Variants in CNTNAP2 observed in about 807,000 individuals in gnomAD.
The protein encoded by CNTNAP2 is contactin-associated protein-like 2.
CNTNAP2 carries 98 observed loss-of-function variants against 155.2 expected under a neutral mutation model. The ratio of observed to expected loss-of-function variants is 0.63; its 90% CI spans 0.54 to 0.75. The LOEUF (loss-of-function observed/expected upper bound fraction) is 0.75, where lower values mean the gene tolerates loss of function less well. Ranked by LOEUF, CNTNAP2 falls within the 30% of genes least tolerant of loss-of-function variation. The pLI, the probability that CNTNAP2 is intolerant of heterozygous loss-of-function variation, is 0.00. For synonymous variants in CNTNAP2, 651 were observed against 631.2 expected, an observed-to-expected ratio of 1.03 and a Z score of -0.47; for missense variants, 1,727 against 1,688.1, an observed-to-expected ratio of 1.02 and a Z score of -0.40.
At chr7:146,320,413 G>A (rs116376770) in intron 1 of CNTNAP2, among the ~76,000 whole-genome samples, 4,005 of 152,160 alleles carry the variant, frequency 0.026, 169 homozygotes, top group African/African-American at 0.092. Flanking sequence ...AACAAGTTAC[G>A]TAAATTCATT....
At chr7:146,414,491 A>G (rs1795909415) in intron 1 of CNTNAP2, among the ~76,000 whole-genome samples, 1 of 152,138 alleles carries the variant, frequency 6.6e-6, no homozygotes, top group Admixed American at 6.6e-5. Context: ...CTGGAAGGTG[A>G]TAGTTGCTAA....
At chr7:147,666,494 A>C (rs967942218) in intron 13 of CNTNAP2, among the ~76,000 whole-genome samples, 3 of 152,230 alleles carry the variant, frequency 2.0e-5, no homozygotes, top group Non-Finnish European at 4.4e-5. Flanking sequence ...CTTGATAATG[A>C]AAATCAACTA....
chr7:146,532,046 G>A (rs1188426326), intron 1 of CNTNAP2, among the ~76,000 whole-genome samples: 2 of 151,718 alleles, frequency 1.3e-5, no homozygotes, highest in Non-Finnish European at 2.9e-5. Context: ...CAATCTTGGC[G>A]ATAAAGAGCT....
At chr7:147,936,309 T>A (rs1193620149) in intron 14 of CNTNAP2, among the ~76,000 whole-genome samples, 3 of 152,062 alleles carry the variant, frequency 2.0e-5, no homozygotes, top group South Asian at 4.2e-4. Context: ...TATTTTTTTT[T>A]TTTTGCACTC....
chr7:147,075,128 A>G lies in CNTNAP2; in HGVS notation c.550+31074A>G, dbSNP rs1799970548. Reference sequence around the variant, plus strand: ...GTTATGAAACTTTTAAGTTTGCTATAGTGAAAAGATTGATACATGGGAATA... The same window carrying G: ...GTTATGAAACTTTTAAGTTTGCTATGGTGAAAAGATTGATACATGGGAATA... On this transcript the variant is annotated intron_variant, in intron 4 of 23. Coordinates refer to ENST00000361727, the MANE Select transcript of CNTNAP2 (RefSeq NM_014141.6). Among the ~76,000 whole-genome samples, 3 of 152,222 alleles carry G rather than the reference A, an allele frequency of 2.0e-5. No homozygotes were observed. The South Asian group carries it at 6.2e-4, about 31-fold the overall frequency.
chr7:146,762,218 G>A (rs939421181), intron 1 of CNTNAP2, among the ~76,000 whole-genome samples: 8 of 152,070 alleles, frequency 5.3e-5, no homozygotes, highest in Non-Finnish European at 7.3e-5. Flanking sequence ...TACATTAAAC[G>A]TCTACTTTCA....
Position 146,796,999 on chromosome 7 carries a change from G to A in CNTNAP2, c.208+22618G>A, listed in dbSNP as rs191622107. On this transcript the variant is annotated intron_variant, in intron 2 of 23. Coordinates refer to ENST00000361727, the MANE Select transcript of CNTNAP2 (RefSeq NM_014141.6). ...AAAATACAAAAACTTAGCCAGGCAT[G>A]GTGGCGGGCGCCTGTAGTCCCAGCT... 3.1e-3 allele frequency among the ~76,000 whole-genome samples: 465 copies of A among 152,232 alleles called. 5 individuals carry two copies. Among genetic ancestry groups the A allele is most frequent in the Middle Eastern group, 0.01 (3 of 294 alleles).
intron 1 of CNTNAP2, among the ~76,000 whole-genome samples, chr7:146,192,498 A>T (rs1479832856): frequency 1.3e-5 from 2 of 151,778 alleles, no homozygotes; most frequent in African/African-American, 4.9e-5. Context: ...AAGCAAAGTC[A>T]CATCTTACAT....
At chr7:147,027,226 T>C (rs767126086) in intron 3 of CNTNAP2, among the ~76,000 whole-genome samples, 9 of 152,284 alleles carry the variant, frequency 5.9e-5, no homozygotes, top group African/African-American at 1.9e-4. Context: ...AAAATTTTCA[T>C]ACGTACAAGG....
chr7:147,721,300 T>C (rs1404738), intron 13 of CNTNAP2, among the ~76,000 whole-genome samples: 2,506 of 152,254 alleles, frequency 0.016, 222 homozygotes, highest in Admixed American at 0.15. Context: ...TTGTCTTGTT[T>C]GTTTTTGGTT....
At chr7:147,062,597 G>T (rs981422556) in intron 4 of CNTNAP2, among the ~76,000 whole-genome samples, 5 of 152,154 alleles carry the variant, frequency 3.3e-5, no homozygotes, top group African/African-American at 1.2e-4. Context: ...GAATAAGAAT[G>T]CTTACTTCAT....
Position 147,472,695 on chromosome 7 carries a change from C to T in CNTNAP2, c.1671-13240C>T, listed in dbSNP as rs147631136. On this transcript the variant is annotated intron_variant, in intron 10 of 23. Coordinates refer to ENST00000361727, the MANE Select transcript of CNTNAP2 (RefSeq NM_014141.6). The stretch of plus-strand genomic sequence containing the variant: ...CACAGAAAAGTGGACAGATTGGAGC[C>T]AGTTTCCAAACTTCTGTTTACAAAG... Among the ~76,000 whole-genome samples the T allele has an allele frequency of 4.8e-4, 73 of 152,194 alleles. No homozygotes were observed. In the Middle Eastern group the frequency reaches 0.01, roughly 21 times the overall value.
intron 21 of CNTNAP2, among the ~76,000 whole-genome samples, chr7:148,270,998 A>G (rs1488338046): frequency 6.6e-6 from 1 of 152,230 alleles, no homozygotes; most frequent in African/African-American, 2.4e-5. Flanking sequence ...ATCAGTGCCT[A>G]GTATACAGAA....
intron 8 of CNTNAP2, among the ~76,000 whole-genome samples, chr7:147,205,488 A>G (rs577187656): frequency 6.6e-6 from 1 of 152,290 alleles, no homozygotes; most frequent in Admixed American, 6.5e-5. Context: ...CAATCTAAAA[A>G]CATGGAATAT....
At chr7:146,672,219 G>A (rs6968989) in intron 1 of CNTNAP2, among the ~76,000 whole-genome samples, 123,104 of 152,158 alleles carry the variant, frequency 0.81, 50,401 homozygotes, top group South Asian at 0.91. Context: ...CGCAGTGACC[G>A]TTCACTCTTC....
At chr7:147,973,391 A>T (rs1209265969) in intron 14 of CNTNAP2, among the ~76,000 whole-genome samples, 3 of 151,860 alleles carry the variant, frequency 2.0e-5, no homozygotes, top group African/African-American at 7.3e-5. Flanking sequence ...TCCTTTTATT[A>T]TTTTCTCAGC....
At chr7:146,574,983 CTT>C (rs1301293498) in intron 1 of CNTNAP2, among the ~76,000 whole-genome samples, 1 of 152,120 alleles carries the variant, frequency 6.6e-6, no homozygotes, top group African/African-American at 2.4e-5. Context: ...TTTTCCCCCT[CTT>C]GTTTCCCCTC....
Position 147,108,210 on chromosome 7 carries a change from T to A in CNTNAP2, c.614T>A (p.Met205Lys). ...CCATATAGATTCAGAAACAAGAAGA[T>A]GAAAACACTGAAAGATGTCATTGCC... ...VLPYRFRNKK[M>K]KTLKDVIALN... is the part of the protein sequence containing the mutation. The change falls in exon 5 of 24, where the codon ATG (methionine) becomes AAG (lysine). Residue 205 changes from methionine (M) to lysine (K), a missense_variant. Physicochemically the swap from Met to Lys is moderately conservative, Grantham distance 95. Coordinates refer to ENST00000361727, the MANE Select transcript of CNTNAP2 (RefSeq NM_014141.6). The A allele has an allele frequency of 1.2e-6, 2 of 1,613,604 alleles. No individual in the cohort carries two copies. The highest frequency in any genetic ancestry group is 1.7e-6 in the Non-Finnish European group (2 of 1,179,758).
intron 9 of CNTNAP2, among the ~76,000 whole-genome samples, chr7:147,364,493 T>A (rs1374680835): frequency 6.6e-5 from 10 of 152,300 alleles, no homozygotes; most frequent in Admixed American, 3.9e-4. Flanking sequence ...TACATTTACA[T>A]AATAAATCAT....
Sources: allele counts gnomAD v4.1 joint callset (sites outside exome capture counted in the v4.1 genomes callset), GRCh38; gene constraint gnomAD v4.1.1; transcripts MANE v1.5; gene names NCBI Gene and HGNC (gene_info 2026-07-23, HGNC 2026-07-21).